The following RAPGEF1 variants were observed in gnomAD, a reference collection of about 807,000 sequenced individuals.
The protein encoded by RAPGEF1 is Rap guanine nucleotide exchange factor 1.
RAPGEF1 carries 33 observed loss-of-function variants against 143.3 expected under a neutral mutation model. The ratio of observed to expected loss-of-function variants is 0.23; its 90% CI spans 0.17 to 0.31. The LOEUF (loss-of-function observed/expected upper bound fraction) is 0.31. RAPGEF1 is among the 10% of genes least tolerant of loss of function. The pLI is 1.00. For synonymous variants in RAPGEF1, 629 were observed against 676.5 expected (o/e 0.93, Z 1.09); for missense variants, 1,199 against 1,645.4 (o/e 0.73, Z 4.69).
At chr9:131,705,287 C>T (rs1834966148) in intron 1 of RAPGEF1, among the ~76,000 whole-genome samples, 1 of 152,234 alleles carries the variant, frequency 6.6e-6, no homozygotes, top group South Asian at 2.1e-4. Context: ...AGGCACCGTG[C>T]AAGTGCTGGG....
intron 1 of RAPGEF1, among the ~76,000 whole-genome samples, chr9:131,727,990 G>A (rs1280797805): frequency 6.6e-6 from 1 of 152,190 alleles, no homozygotes; most frequent in Non-Finnish European, 1.5e-5. Context: ...AATGATTACA[G>A]AAAGTGAAAA....
chr9:131,603,291 G>C (rs1171895736), intron 14 of RAPGEF1, among the ~76,000 whole-genome samples: 2 of 152,330 alleles, frequency 1.3e-5, no homozygotes, highest in East Asian at 3.9e-4. Context: ...CTGGGCTCAT[G>C]GGGGGAGCAA....
chr9:131,649,133 A>G (rs896046957), intron 3 of RAPGEF1, among the ~76,000 whole-genome samples: 1 of 151,498 alleles, frequency 6.6e-6, no homozygotes, highest in African/African-American at 2.4e-5. Flanking sequence ...CCCGGGTTCA[A>G]GTGATTCTCC....
chr9:131,642,788 G>A (rs1344981073), intron 4 of RAPGEF1, among the ~76,000 whole-genome samples: 2 of 152,226 alleles, frequency 1.3e-5, no homozygotes, highest in African/African-American at 2.4e-5. Context: ...TGAAGTCTGT[G>A]AAGAGACTCA....
chr9:131,586,901 CACCTGCAGAGCGAGACTCCGTCTCAA>C, intron 22 of RAPGEF1, among the ~76,000 whole-genome samples: 1 of 119,554 alleles, frequency 8.4e-6, no homozygotes, highest in Non-Finnish European at 1.7e-5. Context: ...CACACACACA[CACCTGCAGAGCGAGACTCCGTCTCAA>C]ACACACACAC....
chr9:131,735,577 G>C (rs1837360554), intron 1 of RAPGEF1, among the ~76,000 whole-genome samples: 1 of 152,218 alleles, frequency 6.6e-6, no homozygotes, highest in Non-Finnish European at 1.5e-5. Context: ...TGATGAATGA[G>C]GGATGGAGTA....
intron 1 of RAPGEF1, among the ~76,000 whole-genome samples, chr9:131,652,957 G>A (rs188574208): frequency 7.9e-5 from 12 of 152,286 alleles, no homozygotes; most frequent in Non-Finnish European, 1.5e-4. Flanking sequence ...TACATCAGGC[G>A]AGGCGACAGG....
chr9:131,619,163 A>G lies in RAPGEF1; in HGVS notation c.1949T>C (p.Val650Ala). ...ASSFSSVSHC[V>A]QQTKVAFTPE... is the part of the protein sequence containing the mutation. The stretch of plus-strand genomic sequence containing the variant: ...GGTGAAGGCCACTTTAGTTTGCTGG[A>G]CACAGTGGGAGACAGAGGAGAAGGA... Residue 650 changes from valine to alanine, a missense_variant, in exon 12 of 27, where the codon GTC becomes GCC. Coordinates refer to ENST00000683357, the MANE Select transcript of RAPGEF1 (RefSeq NM_001377935.1). The G allele has an allele frequency of 7.6e-7, 1 of 1,311,070 alleles. No homozygotes were observed. The highest frequency in any genetic ancestry group is 1.0e-6 in the Non-Finnish European group (1 of 993,232). 81.2% of individuals were successfully genotyped at this position (1,311,070 alleles called of 1,614,324 possible). A position where few individuals can be genotyped will look rare whatever the true frequency, so the allele number is the denominator to read the frequency against.
intron 1 of RAPGEF1, among the ~76,000 whole-genome samples, chr9:131,670,444 A>C (rs1831192162): frequency 6.6e-6 from 1 of 152,156 alleles, no homozygotes; most frequent in Non-Finnish European, 1.5e-5. Context: ...AAGACTAGCA[A>C]ATAAGCTGTT....
intron 22 of RAPGEF1, among the ~76,000 whole-genome samples, chr9:131,585,568 G>C (rs1952588109): frequency 6.6e-6 from 1 of 152,258 alleles, no homozygotes; most frequent in Admixed American, 6.5e-5. Flanking sequence ...TTGGGGCCTT[G>C]TGTGCAGCTT....
chr9:131,593,649 C>T (rs993359311), intron 17 of RAPGEF1, among the ~76,000 whole-genome samples: 11 of 152,150 alleles, frequency 7.2e-5, no homozygotes, highest in South Asian at 4.1e-4. Flanking sequence ...TTGCATCAAA[C>T]GAGAGGAAAA....
chr9:131,703,402 A>G (rs1834812772), intron 1 of RAPGEF1, among the ~76,000 whole-genome samples: 1 of 152,226 alleles, frequency 6.6e-6, no homozygotes, highest in Non-Finnish European at 1.5e-5. Flanking sequence ...CATTTCAACC[A>G]AAATTAAATG....
At chr9:131,639,730 CA>C (rs929313082) in intron 4 of RAPGEF1, among the ~76,000 whole-genome samples, 3 of 151,410 alleles carry the variant, frequency 2.0e-5, no homozygotes, top group Admixed American at 1.3e-4. Context: ...ACACAAAAAA[CA>C]AAAAAACACC....
chr9:131,589,554 C>A lies in RAPGEF1; in HGVS notation c.2867+332G>T, dbSNP rs532406100. Among the ~76,000 whole-genome samples the A allele has an allele frequency of 9.2e-5, 14 of 152,344 alleles. No individual in the cohort carries two copies. The South Asian group carries it at 2.7e-3, about 29-fold the overall frequency. On this transcript the variant is annotated intron_variant, in intron 19 of 26. Transcript: ENST00000683357. ...CGAGGGAGAGGTGGCCTCTCCCATT[C>A]CAGCCTCCACACAGCCTCCACCATG...
At chr9:131,703,076 G>A (rs949296268) in intron 1 of RAPGEF1, among the ~76,000 whole-genome samples, 1 of 152,166 alleles carries the variant, frequency 6.6e-6, no homozygotes, top group African/African-American at 2.4e-5. Flanking sequence ...AGGCTGAAGT[G>A]CGGGGAGGAT....
intron 5 of RAPGEF1, 29 bp from the exon 6 acceptor site, chr9:131,630,353 A>G: frequency 6.2e-7 from 1 of 1,608,194 alleles, no homozygotes; most frequent in South Asian, 1.1e-5. Flanking sequence ...GGCAATGAGC[A>G]AAGCTCCCGT....
intron 17 of RAPGEF1, among the ~76,000 whole-genome samples, chr9:131,593,516 G>T (rs3780266): frequency 5.2e-4 from 79 of 152,202 alleles, no homozygotes; most frequent in Non-Finnish European, 7.4e-4. Context: ...TCTGGACATA[G>T]ACCACCTGCT....
At position 131,709,591 on chromosome 9, in the gene RAPGEF1, C is replaced by T. The variant is rs777130499; in HGVS notation, c.61+30179G>A. 5 of 1,609,544 alleles carry T rather than the reference C, an allele frequency of 3.1e-6. No homozygotes were observed. In the African/African-American group the frequency reaches 6.7e-5, roughly 22 times the overall value. ...AGAGAAAACTGCCTCCTTGCTTCTT[C>T]CTGGAAAGGAAGCCCAGGGCTTTCT... is the stretch of plus-strand genomic sequence containing the variant. On this transcript the variant is annotated intron_variant, in intron 1 of 26. Transcript: ENST00000683357.
chr9:131,626,072 A>T lies in RAPGEF1; in HGVS notation c.1552T>A (p.Ser518Thr). The T allele has an allele frequency of 6.2e-7, 1 of 1,613,924 alleles. No homozygotes were observed. The highest frequency in any genetic ancestry group is 8.5e-7 in the Non-Finnish European group (1 of 1,179,824). The change falls in exon 10 of 27, where the codon TCC (serine) becomes ACC (threonine). Residue 518 changes from serine (S) to threonine (T), a missense_variant. Physicochemically the swap from Ser to Thr is moderately conservative, Grantham distance 58 (BLOSUM62 1). Transcript: ENST00000683357. ...GCAGCAAAGGGCGCGTAGGGGACGG[A>T]TGGGATCGGGGCTGTGCTCTGCAGG... is the stretch of plus-strand genomic sequence containing the variant. ...EDLQSTAPIP[S>T]VPYAPFAAIL...
Sources: gnomAD v4.1 joint callset for allele counts (sites outside exome capture counted in the v4.1 genomes callset) on GRCh38, gnomAD v4.1.1 for gene constraint, MANE v1.5 for transcripts, NCBI Gene and HGNC (gene_info 2026-07-23, HGNC 2026-07-21) for gene names.